PRDM5: variants seen among roughly 807,000 people sequenced by gnomAD.
The protein encoded by PRDM5 is PR domain zinc finger protein 5.
A neutral mutation model predicts 81.2 loss-of-function variants in PRDM5; 56 were observed. That is an observed-to-expected ratio of 0.69 (90% CI 0.56 to 0.86). The LOEUF is 0.86. PRDM5 is among the 40% of genes least tolerant of loss of function. PRDM5 has a pLI of 0.00. For synonymous variants in PRDM5, 267 were observed against 256.4 expected, an observed-to-expected ratio of 1.04 and a Z score of -0.39; for missense variants, 697 against 770.1, an observed-to-expected ratio of 0.91 and a Z score of 1.12.
chr4:120,784,403 A>C (rs559215288), intron 11 of PRDM5, among the ~76,000 whole-genome samples: 66 of 152,280 alleles, frequency 4.3e-4, no homozygotes, highest in Non-Finnish European at 7.9e-4. Flanking sequence ...CAAAAGAAAA[A>C]AATTGCCTCT....
At chr4:120,774,576 G>C (rs969087796) in intron 13 of PRDM5, among the ~76,000 whole-genome samples, 1 of 152,168 alleles carries the variant, frequency 6.6e-6, no homozygotes, top group African/African-American at 2.4e-5. Flanking sequence ...AAAGGGAAGC[G>C]AAAGCATCAT....
chr4:120,785,798 A>T (rs1353127366), intron 10 of PRDM5, among the ~76,000 whole-genome samples: 1 of 152,174 alleles, frequency 6.6e-6, no homozygotes, highest in Non-Finnish European at 1.5e-5. Context: ...GTCAAACAGC[A>T]TAGATTTCCC....
At chr4:120,896,334 G>T (rs1764606369) in intron 2 of PRDM5, 1 of 152,066 alleles carries the variant, frequency 6.6e-6, no homozygotes, top group Non-Finnish European at 1.5e-5. Context: ...GATGAAATTT[G>T]TTGCGAGGAA....
In PRDM5 at chr4:120,777,284, A is replaced by G. The variant is rs1283025621; in HGVS notation, c.1444-3T>C. ...TTCTCCTTTTCTCCTGTATGTGTCT[A>G]AAAGGAAAGGGATAAAAAGGCTAAG... On this transcript the variant is annotated splice_region_variant and splice_polypyrimidine_tract_variant and intron_variant, in intron 12 of 15. Coordinates refer to ENST00000264808, the MANE Select transcript of PRDM5 (RefSeq NM_018699.4). 1 of 1,613,114 alleles carries G rather than the reference A, an allele frequency of 6.2e-7. No individual in the cohort carries two copies.
At chr4:120,833,289 T>C (rs1179266864) in intron 3 of PRDM5, among the ~76,000 whole-genome samples, 1 of 152,152 alleles carries the variant, frequency 6.6e-6, no homozygotes, top group African/African-American at 2.4e-5. Context: ...GAGTCCTCCC[T>C]TTGTGCAATG....
intron 1 of PRDM5, among the ~76,000 whole-genome samples, chr4:120,919,295 T>C (rs927951253): frequency 2.6e-5 from 4 of 152,226 alleles, no homozygotes; most frequent in African/African-American, 9.6e-5. Flanking sequence ...AGCAAGCTCC[T>C]TGCAGAAAAA....
intron 14 of PRDM5, among the ~76,000 whole-genome samples, chr4:120,720,786 T>C (rs965096057): frequency 6.6e-6 from 1 of 152,352 alleles, no homozygotes; most frequent in Non-Finnish European, 1.5e-5. Context: ...ATCTAAAAAT[T>C]ATAACTCTTA....
intron 2 of PRDM5, among the ~76,000 whole-genome samples, chr4:120,855,051 A>G (rs898577959): frequency 1.3e-5 from 2 of 152,326 alleles, no homozygotes; most frequent in Admixed American, 1.3e-4. Context: ...CCAGGAATCC[A>G]TCTAGACAGT....
intron 3 of PRDM5, among the ~76,000 whole-genome samples, chr4:120,852,420 T>A (rs1219175629): frequency 6.6e-6 from 1 of 152,160 alleles, no homozygotes; most frequent in East Asian, 1.9e-4. Context: ...CATCCAATCA[T>A]GCTGAGTCCT....
chr4:120,911,259 C>T (rs1766475187), intron 1 of PRDM5, among the ~76,000 whole-genome samples: 1 of 152,182 alleles, frequency 6.6e-6, no homozygotes, highest in African/African-American at 2.4e-5. Flanking sequence ...TTTAGAGAAG[C>T]TAATAACTCA....
intron 12 of PRDM5, 60 bp downstream of exon 12, chr4:120,781,083 T>C (rs1748966695): frequency 2.1e-6 from 3 of 1,408,708 alleles, no homozygotes; most frequent in Admixed American, 3.4e-5. Flanking sequence ...TTAGTTAACA[T>C]ATATACCCAT....
chr4:120,871,032 C>T (rs545340194), intron 2 of PRDM5, among the ~76,000 whole-genome samples: 9 of 152,240 alleles, frequency 5.9e-5, no homozygotes, highest in South Asian at 4.1e-4. Flanking sequence ...GCCATGCTCC[C>T]GCCATCATCC....
chr4:120,690,252 C>T (rs1733988879), downstream of PRDM5, among the ~76,000 whole-genome samples: 1 of 152,044 alleles, frequency 6.6e-6, no homozygotes, highest in Admixed American at 6.6e-5. Context: ...AACACTAATT[C>T]CAATAATGAA....
chr4:120,750,524 T>C (rs931820677), intron 14 of PRDM5, among the ~76,000 whole-genome samples: 3 of 152,088 alleles, frequency 2.0e-5, no homozygotes, highest in Non-Finnish European at 4.4e-5. Context: ...GCCCACCCCC[T>C]GGAGAAGCTT....
chr4:120,888,823 C>T (rs184934782), intron 2 of PRDM5, among the ~76,000 whole-genome samples: 52 of 152,300 alleles, frequency 3.4e-4, no homozygotes, highest in African/African-American at 1.1e-3. Flanking sequence ...GCTTTTGATT[C>T]GCATTTCCCA....
chr4:120,901,691 TAAGTAA>T (rs1457910512), intron 2 of PRDM5, among the ~76,000 whole-genome samples: 1 of 152,262 alleles, frequency 6.6e-6, no homozygotes, highest in Admixed American at 6.5e-5. Flanking sequence ...ATAATGTATT[TAAGTAA>T]AAGAGGCTTA....
intron 14 of PRDM5, among the ~76,000 whole-genome samples, chr4:120,723,923 ATTTTTTTTTTTT>A (rs70948360): frequency 0.015 from 1,237 of 81,356 alleles, 25 homozygotes; most frequent in African/African-American, 0.06. Flanking sequence ...GATAGCTTGA[ATTTTTTTTTTTT>A]TTTTTTTTTT....
At chr4:120,785,431 C>A in intron 10 of PRDM5, among the ~76,000 whole-genome samples, 1 of 152,124 alleles carries the variant, frequency 6.6e-6, no homozygotes. Flanking sequence ...AACTAAGCCT[C>A]CCCTATCACT....
At chr4:120,898,878 A>G (rs1057456471) in intron 2 of PRDM5, among the ~76,000 whole-genome samples, 2 of 152,172 alleles carry the variant, frequency 1.3e-5, no homozygotes, top group Non-Finnish European at 2.9e-5. Context: ...ATCAGACTGA[A>G]GACTGTCTGA....
Sources: gnomAD v4.1 joint callset for allele counts (sites outside exome capture counted in the v4.1 genomes callset) on GRCh38, gnomAD v4.1.1 for gene constraint, MANE v1.5 for transcripts, NCBI Gene and HGNC (gene_info 2026-07-23, HGNC 2026-07-21) for gene names.